CCDC149: variants seen among roughly 807,000 people sequenced by gnomAD.
CCDC149 encodes the protein coiled-coil domain containing 149, also known as coiled-coil domain-containing protein 149.
Under a neutral mutation model 59.9 loss-of-function variants are expected in CCDC149, and 45 were observed. The observed-to-expected ratio is 0.75, with a 90% CI of 0.59 to 0.96. The LOEUF (loss-of-function observed/expected upper bound fraction) is 0.96, where lower values mean the gene tolerates loss of function less well. Among genes scored for constraint, CCDC149 ranks in the 40% least tolerant of loss-of-function variants. The pLI is 0.00. For synonymous variants in CCDC149, 245 were observed against 260.6 expected, an observed-to-expected ratio of 0.94 and a Z score of 0.58; for missense variants, 584 against 664.7, an observed-to-expected ratio of 0.88 and a Z score of 1.33.
intron 1 of CCDC149, among the ~76,000 whole-genome samples, chr4:24,975,842 GT>G (rs200001081): frequency 3.3e-5 from 5 of 151,448 alleles, no homozygotes; most frequent in African/African-American, 9.7e-5. Context: ...TTAGAAATGA[GT>G]TTTTTTTTCT....
intron 9 of CCDC149, among the ~76,000 whole-genome samples, chr4:24,825,088 G>A (rs1374357924): frequency 1.3e-5 from 2 of 152,200 alleles, no homozygotes; most frequent in African/African-American, 2.4e-5. Context: ...AGCAGGAGCC[G>A]AGTCCGTTAA....
chr4:24,890,580 C>T (rs899704571), intron 1 of CCDC149, among the ~76,000 whole-genome samples: 30 of 152,334 alleles, frequency 2.0e-4, no homozygotes, highest in African/African-American at 6.3e-4. Flanking sequence ...AGACAGAAAA[C>T]AATCTCCATT....
intron 1 of CCDC149, among the ~76,000 whole-genome samples, chr4:24,919,225 C>T (rs541689064): frequency 6.6e-6 from 1 of 152,268 alleles, no homozygotes; most frequent in African/African-American, 2.4e-5. Context: ...TTGAGCTTCT[C>T]TTATATGCTG....
chr4:24,826,242 G>A (rs1475172751), intron 9 of CCDC149, among the ~76,000 whole-genome samples: 1 of 152,134 alleles, frequency 6.6e-6, no homozygotes, highest in Non-Finnish European at 1.5e-5. Flanking sequence ...TTACAGGTGT[G>A]AGCCACCGTG....
intron 1 of CCDC149, among the ~76,000 whole-genome samples, chr4:24,944,291 T>C (rs1723039014): frequency 6.6e-6 from 1 of 151,522 alleles, no homozygotes; most frequent in East Asian, 1.9e-4. Flanking sequence ...CAGCAAACTA[T>C]CGCAAGGACT....
At chr4:24,973,672 T>C (rs1724049883) in intron 1 of CCDC149, among the ~76,000 whole-genome samples, 1 of 152,248 alleles carries the variant, frequency 6.6e-6, no homozygotes, top group South Asian at 2.1e-4. Context: ...TGGATCCAGC[T>C]GTGCCTACAG....
intron 9 of CCDC149, chr4:24,828,810 A>G (rs1715935201): frequency 6.6e-6 from 1 of 152,266 alleles, no homozygotes; most frequent in African/African-American, 2.4e-5. Context: ...AACCCAGAGG[A>G]TGGCTCAAAA....
intron 4 of CCDC149, among the ~76,000 whole-genome samples, chr4:24,850,129 C>CT (rs374547751): frequency 3.3e-5 from 5 of 151,988 alleles, no homozygotes; most frequent in South Asian, 2.1e-4. Context: ...TTCTTGCATA[C>CT]TTTTTTTTTC....
At chr4:24,894,020 C>T (rs1335679290) in intron 1 of CCDC149, among the ~76,000 whole-genome samples, 1 of 152,150 alleles carries the variant, frequency 6.6e-6, no homozygotes, top group Non-Finnish European at 1.5e-5. Flanking sequence ...AGAATAGGAA[C>T]AACACAGACT....
intron 3 of CCDC149, among the ~76,000 whole-genome samples, chr4:24,859,521 C>T (rs559823540): frequency 2.6e-5 from 4 of 152,224 alleles, no homozygotes; most frequent in Non-Finnish European, 5.9e-5. Context: ...AAAGCATTCC[C>T]CCTGAGAACT....
At chr4:24,914,223 T>G (rs138280681), upstream of CCDC149, among the ~76,000 whole-genome samples, 3 of 152,236 alleles carry the variant, frequency 2.0e-5, no homozygotes, top group Non-Finnish European at 4.4e-5. Flanking sequence ...AAGTATCACC[T>G]TGAAAGTTTG....
At chr4:24,820,501 G>A (rs1393147596) in intron 11 of CCDC149, among the ~76,000 whole-genome samples, 1 of 151,956 alleles carries the variant, frequency 6.6e-6, no homozygotes, top group East Asian at 1.9e-4. Flanking sequence ...TCCTACTTTG[G>A]GAAAGAAAGA....
intron 1 of CCDC149, among the ~76,000 whole-genome samples, chr4:24,955,024 G>C (rs1723428117): frequency 6.6e-6 from 1 of 152,110 alleles, no homozygotes; most frequent in Non-Finnish European, 1.5e-5. Context: ...CAGATGCCTT[G>C]CTGCTGGTAT....
intron 12 of CCDC149, among the ~76,000 whole-genome samples, chr4:24,811,526 C>T (rs1167545503): frequency 6.6e-6 from 1 of 152,148 alleles, no homozygotes; most frequent in Non-Finnish European, 1.5e-5. Flanking sequence ...AACGTAGTGG[C>T]TTAAAACAAA....
rs1013472955 is a variant in CCDC149 at position 24,964,859 on chromosome 4, A to G, written c.-65+15210T>C. Reference sequence around the variant, plus strand: ...TAAAGATAAATGACACAATACTAATAGAACACCAATTCAAAGACAGTAGGT... The same window carrying G: ...TAAAGATAAATGACACAATACTAATGGAACACCAATTCAAAGACAGTAGGT... On this transcript the variant is annotated intron_variant, in intron 1 of 12. Coordinates refer to the CCDC149 transcript ENST00000389609. 1.1e-4 allele frequency among the ~76,000 whole-genome samples: 16 copies of G among 151,720 alleles called. 2 individuals carry two copies. The highest frequency in any genetic ancestry group is 3.7e-4 in the African/African-American group (15 of 41,046).
chr4:24,897,913 G>A (rs1247134641), intron 1 of CCDC149, among the ~76,000 whole-genome samples: 1 of 152,228 alleles, frequency 6.6e-6, no homozygotes, highest in Non-Finnish European at 1.5e-5. Context: ...TGGGAAGGAA[G>A]AAAAGGTTAC....
intron 1 of CCDC149, among the ~76,000 whole-genome samples, chr4:24,972,083 T>C (rs1723985779): frequency 1.3e-5 from 2 of 152,304 alleles, no homozygotes. Context: ...AAAACCAAGT[T>C]GTGGCCCAAC....
intron 1 of CCDC149, among the ~76,000 whole-genome samples, chr4:24,931,987 C>T (rs917742633): frequency 1.3e-5 from 2 of 151,744 alleles, no homozygotes; most frequent in African/African-American, 4.8e-5. Context: ...GTCCAACTTA[C>T]AGGTGAGAAA....
At chr4:24,895,290 A>C (rs1406507468) in intron 1 of CCDC149, among the ~76,000 whole-genome samples, 1 of 152,198 alleles carries the variant, frequency 6.6e-6, no homozygotes, top group Non-Finnish European at 1.5e-5. Flanking sequence ...AGGTATGTGC[A>C]CATGTAAAAA....
Sources: allele counts gnomAD v4.1 joint callset (sites outside exome capture counted in the v4.1 genomes callset), GRCh38; gene constraint gnomAD v4.1.1; transcripts MANE v1.5; gene names NCBI Gene and HGNC (gene_info 2026-07-23, HGNC 2026-07-21).